The following GRM6 variants were observed in gnomAD, a reference collection of about 807,000 sequenced individuals.
GRM6 encodes metabotropic glutamate receptor 6.
GRM6 carries 73 observed loss-of-function variants against 78.4 expected under a neutral mutation model. The observed-to-expected ratio is 0.93, with a 90% CI of 0.77 to 1.13. The LOEUF (loss-of-function observed/expected upper bound fraction) is 1.13. Among genes scored for constraint, GRM6 ranks in the 50% most tolerant of loss-of-function variants. The pLI, the probability that GRM6 is intolerant of heterozygous loss-of-function variation, is 0.00. For synonymous variants in GRM6, 580 were observed against 555.0 expected (o/e 1.05, Z -0.63); for missense variants, 1,251 against 1,256.4 (o/e 1.00, Z 0.07).
In GRM6 at chr5:178,992,838, A is replaced by T. The variant is rs1760706320; in HGVS notation, c.505-755T>A. On this transcript the variant is annotated intron_variant, in intron 2 of 10. Coordinates refer to ENST00000517717, the MANE Select transcript of GRM6 (RefSeq NM_000843.4). The surrounding 1 kb of genome is among the most constrained non-coding windows in gnomAD (Gnocchi z 4.9). Reference sequence around the variant, plus strand: ...GGATAGAAAGTATAGAGACAGCATGAAAAGGAAGCCGGGAGTGGCAGGGAG... The same window carrying T: ...GGATAGAAAGTATAGAGACAGCATGTAAAGGAAGCCGGGAGTGGCAGGGAG... 6.6e-6 allele frequency among the ~76,000 whole-genome samples: 1 copy of T among 152,042 alleles called. No individual in the cohort carries two copies. Among genetic ancestry groups the T allele is most frequent in the African/African-American group, 2.4e-5 (1 of 41,386 alleles).
At position 178,981,932 on chromosome 5, in the gene GRM6, C is replaced by T. The variant is rs1245356217; in HGVS notation, c.2437-78G>A. 2 of 917,964 alleles carry T rather than the reference C, an allele frequency of 2.2e-6. No individual in the cohort carries two copies. Among genetic ancestry groups the T allele is most frequent in the African/African-American group, 1.6e-5 (1 of 61,944 alleles). The allele number at this position is 917,964 out of a possible 1,614,324, so 56.9% of individuals were successfully genotyped here. A position where few individuals can be genotyped will look rare whatever the true frequency, so the allele number is the denominator to read the frequency against. On this transcript the variant is annotated intron_variant, in intron 10 of 10. Coordinates refer to ENST00000517717, the MANE Select transcript of GRM6 (RefSeq NM_000843.4). This position sits in a 1 kb window ranked among gnomAD's most constrained non-coding sequence, Gnocchi z 5.1. Reference sequence around the variant, plus strand: ...CGCTCCACACAGTCCTCACCACATACTCTGGAGCTGAGTCTGTTTCAGTTG... The same window carrying T: ...CGCTCCACACAGTCCTCACCACATATTCTGGAGCTGAGTCTGTTTCAGTTG...
chr5:178,986,955 G>A lies in GRM6; in HGVS notation c.1383C>T (p.Asn461=), dbSNP rs143351800. 640 of 1,613,980 alleles carry A rather than the reference G, an allele frequency of 4.0e-4. No individual in the cohort carries two copies. The highest frequency in any genetic ancestry group is 1.1e-3 in the East Asian group (51 of 44,850). Residue 461 remains asparagine, a synonymous_variant, in exon 8 of 11, where the codon AAC becomes AAT. Coordinates refer to ENST00000517717, the MANE Select transcript of GRM6 (RefSeq NM_000843.4). ...ACCGCCCGGGCGCATCTCCGTTCTC[G>A]TTGAACATCACAGGGGTTCCTGCGC... is the stretch of plus-strand genomic sequence containing the variant. The part of the protein sequence containing the change: ...NGSAGTPVMF[N]ENGDAPGRYD...
At chr5:178,993,422 G>A (rs183594087) in intron 2 of GRM6, among the ~76,000 whole-genome samples, 21 of 152,308 alleles carry the variant, frequency 1.4e-4, no homozygotes, top group African/African-American at 4.3e-4. Context: ...TGGTGCCAGC[G>A]TGGAGATGTC....
chr5:178,983,002 C>A lies in GRM6; in HGVS notation c.2344G>T (p.Ala782Ser). The change falls in exon 10 of 11, where the codon GCC becomes TCC. Residue 782 changes from alanine to serine, a missense_variant. Ala to Ser is a moderately conservative substitution (Grantham distance 99). Coordinates refer to ENST00000517717, the MANE Select transcript of GRM6 (RefSeq NM_000843.4). ...ARGVPETFNE[A>S]KPIGFTMYTT... ...TACATGGTGAAGCCGATGGGCTTGG[C>A]CTCGTTGAAGGTCTCGGGCACGCCA... 1 of 1,614,162 alleles carries A rather than the reference C, an allele frequency of 6.2e-7. No homozygotes were observed. The highest frequency in any genetic ancestry group is 8.5e-7 in the Non-Finnish European group (1 of 1,179,952).
chr5:178,994,378 G>T, intron 2 of GRM6, 63 bp downstream of exon 2: 1 of 1,385,408 alleles, frequency 7.2e-7, no homozygotes, highest in Non-Finnish European at 9.5e-7. Flanking sequence ...GGAGACTTGG[G>T]CCACCCCAGG....
At chr5:178,990,887 C>T in intron 4 of GRM6, 141 bp from the exon 5 acceptor site, 2 of 709,008 alleles carry the variant, frequency 2.8e-6, no homozygotes, top group South Asian at 3.8e-5. Flanking sequence ...GGGCCGGGGG[C>T]ATTTAGGGCA....
intron 5 of GRM6, chr5:178,989,991 C>G (rs1274945649): frequency 5.0e-6 from 1 of 198,792 alleles, no homozygotes; most frequent in Non-Finnish European, 1.0e-5. Context: ...CCACCTGCAC[C>G]CAGATGCAAC....
At position 178,992,614 on chromosome 5, in the gene GRM6, A is replaced by G. The variant is rs1333558871; in HGVS notation, c.505-531T>C. On this transcript the variant is annotated intron_variant, in intron 2 of 10. Coordinates refer to ENST00000517717, the MANE Select transcript of GRM6 (RefSeq NM_000843.4). The surrounding 1 kb of genome is among the most constrained non-coding windows in gnomAD (Gnocchi z 4.9). ...TTGGAAACTGGGTTTCTCTGCATGC[A>G]TTAGAGTGATTAACAGCAGAGACCA... is the stretch of plus-strand genomic sequence containing the variant. Among the ~76,000 whole-genome samples the G allele has an allele frequency of 2.0e-5, 3 of 152,138 alleles. No homozygotes were observed. The highest frequency in any genetic ancestry group is 4.4e-5 in the Non-Finnish European group (3 of 68,034).
At position 178,986,274 on chromosome 5, in the gene GRM6, G is replaced by A. The variant is rs1760543873; in HGVS notation, c.1980C>T (p.Gly660=). 9 of 1,613,962 alleles carry A rather than the reference G, an allele frequency of 5.6e-6. No individual in the cohort carries two copies. The highest frequency in any genetic ancestry group is 7.6e-6 in the Non-Finnish European group (9 of 1,180,004). The stretch of plus-strand genomic sequence containing the variant: ...GCAGGGCAGAGTAGCTGAGGGTCGT[G>A]CCCAGGCCCAGGAAGAGCCTGCGGG... ...CAARRLFLGL[G]TTLSYSALLT... is the part of the protein sequence containing the mutation. The change falls in exon 9 of 11, where the codon GGC becomes GGT. Residue 660 remains glycine, a synonymous_variant. Transcript: ENST00000517717.
At chr5:178,985,540 A>G in intron 9 of GRM6, 1 of 337,528 alleles carries the variant, frequency 3.0e-6, no homozygotes, top group Non-Finnish European at 5.8e-6. Flanking sequence ...TGTCTCTACT[A>G]AAAATACAAA....
rs746955863 is a variant in GRM6 at position 178,986,130 on chromosome 5, C to A, written c.2124G>T (p.Gln708His). 15 of 1,613,090 alleles carry A rather than the reference C, an allele frequency of 9.3e-6. No individual in the cohort carries two copies. The East Asian group carries it at 3.1e-4, about 34-fold the overall frequency. Residue 708 changes from glutamine (Q) to histidine (H), a missense_variant and splice_region_variant, in exon 9 of 11, where the codon CAG becomes CAT. Transcript: ENST00000517717. ...GGCCCTTGGGAGCCTACGGACCCAC[C>A]TGCAGGGAGGTGAGGCTGAAGGTGA... ...LVITFSLTSL[Q>H]VVGMIAWLGA...
At position 178,992,009 on chromosome 5, in the gene GRM6, C is replaced by G. The variant is rs1274655234; in HGVS notation, c.579G>C (p.Val193=). 1 of 1,614,148 alleles carries G rather than the reference C, an allele frequency of 6.2e-7. No homozygotes were observed. The highest frequency in any genetic ancestry group is 8.5e-7 in the Non-Finnish European group (1 of 1,180,016). The change falls in exon 3 of 11, where the codon GTG becomes GTC. Residue 193 remains valine (V), a synonymous_variant. Coordinates refer to ENST00000517717, the MANE Select transcript of GRM6 (RefSeq NM_000843.4). The surrounding 1 kb of genome is among the most constrained non-coding windows in gnomAD (Gnocchi z 4.9). ...GCGCCTGGTAGGAGTCGGGTGGCAC[C>G]ACCCGGGAGAAGAAGTCATAGCGTG... ...DSTRYDFFSR[V]VPPDSYQAQA...
At position 178,994,426 on chromosome 5, in the gene GRM6, C is replaced by A. The variant is rs1423059066; in HGVS notation, c.504+15G>T. The A allele has an allele frequency of 1.3e-6, 2 of 1,489,448 alleles. No individual in the cohort carries two copies. The highest frequency in any genetic ancestry group is 1.8e-6 in the Non-Finnish European group (2 of 1,125,382). 92.3% of individuals were successfully genotyped at this position (1,489,448 alleles called of 1,614,324 possible). A position where few individuals can be genotyped will look rare whatever the true frequency, so the allele number is the denominator to read the frequency against. ...GAGGGACGCTGGACACCGAGCCCGGCCCCGCGGCCCTCACCGCAAACAGGC... is the reference window on the plus strand; with the variant it reads ...GAGGGACGCTGGACACCGAGCCCGGACCCGCGGCCCTCACCGCAAACAGGC... On this transcript the variant is annotated intron_variant, in intron 2 of 10. Coordinates refer to ENST00000517717, the MANE Select transcript of GRM6 (RefSeq NM_000843.4).
chr5:178,984,468 A>G (rs1760469550), intron 9 of GRM6, among the ~76,000 whole-genome samples: 1 of 152,260 alleles, frequency 6.6e-6, no homozygotes, highest in Middle Eastern at 3.4e-3. Context: ...TCATGGCAAA[A>G]CACCTAGGCC....
At chr5:178,984,612 G>T (rs948919432) in intron 9 of GRM6, among the ~76,000 whole-genome samples, 6 of 152,126 alleles carry the variant, frequency 3.9e-5, no homozygotes, top group Non-Finnish European at 8.8e-5. Flanking sequence ...ACCTGAGGGT[G>T]GGGGAGCAGG....
At chr5:178,989,217 A>AAGCCCCC in intron 6 of GRM6, 48 bp downstream of exon 6, 1 of 954,834 alleles carries the variant, frequency 1.0e-6, no homozygotes, top group Non-Finnish European at 1.5e-6. Flanking sequence ...CCCCACCCTC[A>AAGCCCCC]CCACCCTCCC....
In GRM6 at chr5:178,988,888, C is replaced by T. The variant is rs779090870; in HGVS notation, c.1354+47G>A. On this transcript the variant is annotated intron_variant, in intron 7 of 10. Coordinates refer to ENST00000517717, the MANE Select transcript of GRM6 (RefSeq NM_000843.4). The surrounding 1 kb of genome is among the most constrained non-coding windows in gnomAD (Gnocchi z 6.0). The stretch of plus-strand genomic sequence containing the variant: ...TCCCAGGCCTCACAGCAAAATCCAG[C>T]CCCCCAGCTGTCCTTCACTGCTGCA... 2 of 1,512,354 alleles carry T rather than the reference C, an allele frequency of 1.3e-6. No individual in the cohort carries two copies. The highest frequency in any genetic ancestry group is 2.3e-5 in the South Asian group (2 of 87,008). The allele number at this position is 1,512,354 out of a possible 1,614,324, so 93.7% of individuals were successfully genotyped here. A position where few individuals can be genotyped will look rare whatever the true frequency, so the allele number is the denominator to read the frequency against.
intron 9 of GRM6, chr5:178,985,361 A>T: frequency 2.4e-6 from 1 of 413,018 alleles, no homozygotes; most frequent in Non-Finnish European, 4.8e-6. Flanking sequence ...GCCCTAACTG[A>T]GCTGCTGTCA....
Position 178,981,626 on chromosome 5 carries a change from G to A in GRM6, c.*31C>T. 6.5e-7 allele frequency: 1 copy of A among 1,538,404 alleles called. No individual in the cohort carries two copies. Among genetic ancestry groups the A allele is most frequent in the South Asian group, 1.1e-5 (1 of 89,430 alleles). ...TCGAGGCAAGAGGAAGAAAGGAGAG[G>A]CAGCAAGCAGTCCCGTTCCCACCTG... On this transcript the variant is annotated 3_prime_UTR_variant, in exon 11 of 11. Coordinates refer to ENST00000517717, the MANE Select transcript of GRM6 (RefSeq NM_000843.4). The surrounding 1 kb of genome is among the most constrained non-coding windows in gnomAD (Gnocchi z 5.1).
Sources: gnomAD v4.1 joint callset for allele counts (sites outside exome capture counted in the v4.1 genomes callset) on GRCh38, gnomAD v4.1.1 for gene constraint, Gnocchi (gnomAD v3.1) non-coding constraint, MANE v1.5 for transcripts, NCBI Gene and HGNC (gene_info 2026-07-23, HGNC 2026-07-21) for gene names.